TRIP12: variants seen among roughly 807,000 people sequenced by gnomAD.
The protein encoded by TRIP12 is thyroid hormone receptor interactor 12.
In TRIP12, 25 loss-of-function variants were observed where a neutral mutation model predicts 244.2. The observed-to-expected ratio is 0.10, with a 90% CI of 0.07 to 0.14. TRIP12 has a LOEUF of 0.14. Ranked by LOEUF, TRIP12 falls within the 10% of genes least tolerant of loss-of-function variation. TRIP12 has a pLI of 1.00. For synonymous variants in TRIP12, 905 were observed against 873.1 expected (o/e 1.04, Z -0.64); for missense variants, 1,677 against 2,486.4 (o/e 0.67, Z 6.92).
chr2:229,901,707 A>G (rs945933070), intron 1 of TRIP12, among the ~76,000 whole-genome samples: 3 of 152,152 alleles, frequency 2.0e-5, no homozygotes, highest in Non-Finnish European at 2.9e-5. Context: ...GTAATAAGAC[A>G]GTCTTTTCCC....
At chr2:229,791,296 CT>C in intron 29 of TRIP12, 45 bp from the exon 30 acceptor site, 1 of 1,608,874 alleles carries the variant, frequency 6.2e-7, no homozygotes, top group Non-Finnish European at 8.5e-7. Flanking sequence ...GATTTTGAAA[CT>C]GATACAAAGC....
At chr2:229,922,319 C>G (rs2076734195), upstream of TRIP12, 1 of 601,328 alleles carries the variant, frequency 1.7e-6, no homozygotes, top group Non-Finnish European at 2.9e-6. Context: ...CCTCGGGTCA[C>G]CCGGGACCTG....
intron 3 of TRIP12, 30 bp from the exon 4 acceptor site, chr2:229,859,604 A>G: frequency 6.3e-7 from 1 of 1,583,810 alleles, no homozygotes; most frequent in Non-Finnish European, 8.6e-7. Context: ...AACAGTTAAT[A>G]TCAGCCTGTC....
At chr2:229,908,931 A>C (rs2073644755) in intron 1 of TRIP12, among the ~76,000 whole-genome samples, 1 of 151,684 alleles carries the variant, frequency 6.6e-6, no homozygotes, top group Non-Finnish European at 1.5e-5. Context: ...TCTACAAAAA[A>C]TAAAAAAAAT....
chr2:229,844,528 T>C (rs1224970179), intron 4 of TRIP12, among the ~76,000 whole-genome samples: 1 of 152,204 alleles, frequency 6.6e-6, no homozygotes, highest in Non-Finnish European at 1.5e-5. Context: ...GAGATACACA[T>C]CAGACCTATT....
chr2:229,782,089 T>A (rs180825916), intron 34 of TRIP12, among the ~76,000 whole-genome samples: 1 of 152,178 alleles, frequency 6.6e-6, no homozygotes, highest in East Asian at 1.9e-4. Flanking sequence ...CTGAAGAAAG[T>A]GGAATGTACG....
intron 8 of TRIP12, among the ~76,000 whole-genome samples, chr2:229,819,610 C>A (rs2049476187): frequency 6.6e-6 from 1 of 152,142 alleles, no homozygotes; most frequent in South Asian, 2.1e-4. Flanking sequence ...TGGACACTTT[C>A]CTACTTGAAA....
chr2:229,779,205 A>T (rs1358558652), intron 34 of TRIP12, among the ~76,000 whole-genome samples: 2 of 152,202 alleles, frequency 1.3e-5, no homozygotes, highest in African/African-American at 2.4e-5. Context: ...TAAGGCCCCA[A>T]CATGTCAGTT....
chr2:229,787,453 C>T (rs2040391716), intron 33 of TRIP12, 52 bp downstream of exon 33: 1 of 1,559,596 alleles, frequency 6.4e-7, no homozygotes, highest in African/African-American at 1.4e-5. Flanking sequence ...TCTAGTTTTT[C>T]CCATTATTTT....
Position 229,815,259 on chromosome 2 carries a change from C to A in TRIP12, c.1635+14G>T. The A allele has an allele frequency of 6.6e-7, 1 of 1,508,464 alleles. No homozygotes were observed. The highest frequency in any genetic ancestry group is 9.2e-7 in the Non-Finnish European group (1 of 1,090,906). 93.4% of individuals were successfully genotyped at this position (1,508,464 alleles called of 1,614,324 possible). Reference sequence around the variant, plus strand: ...TTAAATATACACCATTAAAAAAATACAATATATACTTACAATATCAAAATT... The same window carrying A: ...TTAAATATACACCATTAAAAAAATAAAATATATACTTACAATATCAAAATT... On this transcript the variant is annotated intron_variant, in intron 10 of 41. Coordinates refer to ENST00000675903, the MANE Select transcript of TRIP12 (RefSeq NM_001348323.3).
In TRIP12 at chr2:229,795,532, G is replaced by A. The variant is rs1043775665; in HGVS notation, c.3817-202C>T. Among the ~76,000 whole-genome samples the A allele has an allele frequency of 6.9e-4, 105 of 152,128 alleles. 1 individual carries two copies. The highest frequency in any genetic ancestry group is 2.5e-3 in the African/African-American group (103 of 41,434). On this transcript the variant is annotated intron_variant, in intron 25 of 41. Transcript: ENST00000675903. The stretch of plus-strand genomic sequence containing the variant: ...ACTGTTTTGTACAGCCCACAATCCT[G>A]TATTCACAATCTCTACATCCAAAGG...
chr2:229,888,907 A>G (rs538846322), intron 1 of TRIP12, among the ~76,000 whole-genome samples: 2 of 152,312 alleles, frequency 1.3e-5, no homozygotes, highest in African/African-American at 2.4e-5. Flanking sequence ...TGGAAGTGCT[A>G]GACTTTATAA....
chr2:229,855,873 C>T (rs1467476859), intron 4 of TRIP12, among the ~76,000 whole-genome samples: 3 of 151,896 alleles, frequency 2.0e-5, no homozygotes, highest in Non-Finnish European at 4.4e-5. Flanking sequence ...GAAACCCTGT[C>T]TCTTAAATAC....
intron 1 of TRIP12, among the ~76,000 whole-genome samples, chr2:229,893,833 T>C (rs1223420026): frequency 6.6e-6 from 1 of 152,146 alleles, no homozygotes; most frequent in East Asian, 1.9e-4. Context: ...CCCTCCTGAG[T>C]AGCTGTGAGT....
chr2:229,783,850 C>T (rs989693244), intron 34 of TRIP12, among the ~76,000 whole-genome samples: 3 of 150,120 alleles, frequency 2.0e-5, no homozygotes, highest in African/African-American at 7.4e-5. Context: ...GTGGCTCATG[C>T]CTGTAATCCC....
intron 1 of TRIP12, among the ~76,000 whole-genome samples, chr2:229,896,585 C>G (rs1195408730): frequency 2.0e-5 from 3 of 152,118 alleles, no homozygotes; most frequent in Admixed American, 1.3e-4. Flanking sequence ...GCACTCCACC[C>G]TGGGTGACAG....
chr2:229,920,083 C>T (rs189221544), intron 1 of TRIP12, among the ~76,000 whole-genome samples: 1 of 152,314 alleles, frequency 6.6e-6, no homozygotes, highest in Admixed American at 6.5e-5. Context: ...GGTGTAAATG[C>T]GACACACACA....
At chr2:229,821,478 T>TCAAC (rs2050042986) in intron 8 of TRIP12, among the ~76,000 whole-genome samples, 1 of 152,188 alleles carries the variant, frequency 6.6e-6, no homozygotes, top group South Asian at 2.1e-4. Flanking sequence ...TGGTCTCTAC[T>TCAAC]GCAACTACTC....
chr2:229,901,990 T>C (rs997334575), intron 1 of TRIP12, among the ~76,000 whole-genome samples: 8 of 152,228 alleles, frequency 5.3e-5, no homozygotes, highest in African/African-American at 1.9e-4. Flanking sequence ...AAGCCAGTTA[T>C]TTCTTTCAAA....
Sources: allele counts gnomAD v4.1 joint callset (sites outside exome capture counted in the v4.1 genomes callset), GRCh38; gene constraint gnomAD v4.1.1; transcripts MANE v1.5; gene names NCBI Gene and HGNC (gene_info 2026-07-23, HGNC 2026-07-21).